Variants in CRISP1 observed in about 807,000 individuals in gnomAD.
CRISP1 encodes cysteine-rich secretory protein 1.
In CRISP1, 44 loss-of-function variants were observed where a neutral mutation model predicts 33.1. The observed-to-expected ratio is 1.33, with a 90% CI of 1.05 to 1.71. The LOEUF is 1.71. Ranked by LOEUF, CRISP1 falls within the 40% of genes most tolerant of loss-of-function variation. The probability of loss-of-function intolerance (pLI) is 0.00; values close to 1 mark genes in which losing one functional copy is unlikely to be tolerated. For synonymous variants in CRISP1, 103 were observed against 98.7 expected, an observed-to-expected ratio of 1.04 and a Z score of -0.26; for missense variants, 390 against 301.2, an observed-to-expected ratio of 1.29 and a Z score of -2.18.
At chr6:49,856,599 G>A (rs1157785846) in intron 2 of CRISP1, among the ~76,000 whole-genome samples, 4 of 152,016 alleles carry the variant, frequency 2.6e-5, no homozygotes, top group African/African-American at 9.7e-5. Context: ...ATAAAACTAA[G>A]TGCCTTTTAT....
intron 2 of CRISP1, 63 bp from the exon 3 acceptor site, chr6:49,852,192 T>A: frequency 6.5e-7 from 1 of 1,529,536 alleles, no homozygotes; most frequent in Non-Finnish European, 8.9e-7. Context: ...ACATATATTT[T>A]GCAGACCTAT....
chr6:49,852,929 A>T (rs534381251), intron 2 of CRISP1, among the ~76,000 whole-genome samples: 1 of 151,704 alleles, frequency 6.6e-6, no homozygotes, highest in East Asian at 2.0e-4. Context: ...ATGTGGCAGA[A>T]CTAATGTACT....
chr6:49,872,990 G>A (rs1000552913), intron 1 of CRISP1, among the ~76,000 whole-genome samples: 15 of 151,984 alleles, frequency 9.9e-5, no homozygotes, highest in East Asian at 3.9e-4. Context: ...ATTACCTTGG[G>A]GAGTATGGCC....
chr6:49,849,320 C>T (rs1423426877), intron 3 of CRISP1, among the ~76,000 whole-genome samples: 1 of 152,166 alleles, frequency 6.6e-6, no homozygotes, highest in African/African-American at 2.4e-5. Context: ...GGAACTGAGG[C>T]TTTCCTGATC....
chr6:49,873,415 T>C (rs1771969297), intron 1 of CRISP1, among the ~76,000 whole-genome samples: 2 of 152,082 alleles, frequency 1.3e-5, no homozygotes, highest in South Asian at 2.1e-4. Context: ...ATATTTAACT[T>C]AGTCTTCATA....
chr6:49,857,423 T>C, intron 1 of CRISP1, 21 bp from the exon 2 acceptor site: 3 of 1,599,172 alleles, frequency 1.9e-6, no homozygotes, highest in Non-Finnish European at 2.6e-6. Context: ...AATAACACAA[T>C]TTTAGATTAT....
At chr6:49,847,136 C>T (rs1214411876) in intron 4 of CRISP1, among the ~76,000 whole-genome samples, 1 of 152,080 alleles carries the variant, frequency 6.6e-6, no homozygotes, top group Non-Finnish European at 1.5e-5. Context: ...CAGGCAGGAA[C>T]CACTTTGCTA....
intron 1 of CRISP1, among the ~76,000 whole-genome samples, chr6:49,862,805 A>T (rs1356883596): frequency 7.0e-6 from 1 of 143,552 alleles, no homozygotes; most frequent in Non-Finnish European, 1.6e-5. Flanking sequence ...CTTCTCAGAG[A>T]AAAGAAGCTA....
intron 6 of CRISP1, among the ~76,000 whole-genome samples, chr6:49,840,339 G>A (rs1001051743): frequency 3.9e-5 from 6 of 152,206 alleles, no homozygotes; most frequent in Non-Finnish European, 5.9e-5. Context: ...ATTGTGACTA[G>A]TATCTGTGGT....
intron 1 of CRISP1, among the ~76,000 whole-genome samples, chr6:49,864,201 G>A (rs1007462178): frequency 3.9e-5 from 6 of 152,014 alleles, no homozygotes; most frequent in Non-Finnish European, 7.4e-5. Flanking sequence ...ATTCAACCAC[G>A]TTGCATGTGA....
intron 7 of CRISP1, among the ~76,000 whole-genome samples, chr6:49,837,325 C>T (rs1055671898): frequency 2.0e-5 from 3 of 152,154 alleles, no homozygotes; most frequent in Admixed American, 2.0e-4. Flanking sequence ...CTTCCCTACT[C>T]TTCTTTCACT....
chr6:49,836,379 A>C (rs1011036057), intron 7 of CRISP1, among the ~76,000 whole-genome samples: 10 of 149,808 alleles, frequency 6.7e-5, no homozygotes, highest in Non-Finnish European at 1.3e-4. Flanking sequence ...TCTGTGGCCC[A>C]GGCAGGAGTG....
At chr6:49,865,345 T>A (rs1771772474) in intron 1 of CRISP1, among the ~76,000 whole-genome samples, 1 of 152,154 alleles carries the variant, frequency 6.6e-6, no homozygotes, top group Admixed American at 6.6e-5. Flanking sequence ...AAAATTGTTT[T>A]CCCTTGAGTT....
chr6:49,857,550 A>G (rs1771530390), intron 1 of CRISP1, 148 bp from the exon 2 acceptor site: 2 of 645,790 alleles, frequency 3.1e-6, no homozygotes, highest in Admixed American at 2.7e-5. Context: ...TGTGTTAGTC[A>G]TTGGGATCCA....
chr6:49,851,794 C>T (rs577979002), intron 3 of CRISP1, among the ~76,000 whole-genome samples: 35 of 152,250 alleles, frequency 2.3e-4, no homozygotes, highest in African/African-American at 8.4e-4. Flanking sequence ...AGGAATGAAG[C>T]TAGACTGGCT....
At chr6:49,875,475 A>G (rs1283749602) in intron 1 of CRISP1, among the ~76,000 whole-genome samples, 1 of 152,152 alleles carries the variant, frequency 6.6e-6, no homozygotes, top group Non-Finnish European at 1.5e-5. Flanking sequence ...TATACTCCCC[A>G]AAGTAATTTA....
rs12203684 is a variant in CRISP1 at position 49,845,719 on chromosome 6, T to C, written c.435+801A>G. Among the ~76,000 whole-genome samples, 712 of 125,714 alleles carry C rather than the reference T, an allele frequency of 5.7e-3. 3 individuals carry two copies. Among genetic ancestry groups the C allele is most frequent in the African/African-American group, 0.017 (559 of 32,954 alleles). The allele number at this position is 125,714 out of a possible 152,430, so 82.5% of individuals were successfully genotyped here. A position where few individuals can be genotyped will look rare whatever the true frequency, so the allele number is the denominator to read the frequency against. ...TATTCACAATAGCCAAAAAAAAAAA[T>C]GGAAACAACTCAAATGCCCATCAGA... On this transcript the variant is annotated intron_variant, in intron 5 of 7. Transcript: ENST00000335847.
chr6:49,857,862 C>T (rs1771538805), intron 1 of CRISP1, among the ~76,000 whole-genome samples: 1 of 152,076 alleles, frequency 6.6e-6, no homozygotes, highest in Non-Finnish European at 1.5e-5. Context: ...GGAAGATACT[C>T]CAAGCTAAGG....
upstream of CRISP1, among the ~76,000 whole-genome samples, chr6:49,871,152 GA>G (rs1376803160): frequency 6.7e-5 from 10 of 150,050 alleles, no homozygotes; most frequent in East Asian, 1.8e-3. Flanking sequence ...AAGAAAGAAA[GA>G]AAAAAATAAA....
Sources: allele counts gnomAD v4.1 joint callset (sites outside exome capture counted in the v4.1 genomes callset), GRCh38; gene constraint gnomAD v4.1.1; transcripts MANE v1.5; gene names NCBI Gene and HGNC (gene_info 2026-07-23, HGNC 2026-07-21).